The following DHX29 variants were observed in gnomAD, a reference collection of about 807,000 sequenced individuals.
DHX29 encodes DExH-box helicase 29.
In DHX29, 79 loss-of-function variants were observed where a neutral mutation model predicts 167.9. The ratio of observed to expected loss-of-function variants is 0.47; its 90% CI spans 0.39 to 0.57. The LOEUF (loss-of-function observed/expected upper bound fraction) is 0.57. Ranked by LOEUF, DHX29 falls within the 20% of genes least tolerant of loss-of-function variation. The probability of loss-of-function intolerance (pLI) is 0.00; values close to 1 mark genes in which losing one functional copy is unlikely to be tolerated. For missense variants in DHX29, 1,347 were observed against 1,593.4 expected, an observed-to-expected ratio of 0.85 and a Z score of 2.63; for synonymous variants, 530 against 546.0, an observed-to-expected ratio of 0.97 and a Z score of 0.41.
rs749103749 is a variant in DHX29, at chr5:55,273,394, T to C, written c.2691-17A>G. Reference sequence around the variant, plus strand: ...ACTTTATATCTGAAAGTTAAAATCATAGTTCTTAGCAAGAGTTTCTCTTTA... The same window carrying C: ...ACTTTATATCTGAAAGTTAAAATCACAGTTCTTAGCAAGAGTTTCTCTTTA... On this transcript the variant is annotated splice_polypyrimidine_tract_variant and intron_variant, in intron 16 of 26. Transcript: ENST00000251636. 18 of 1,540,424 alleles carry C rather than the reference T, an allele frequency of 1.2e-5. No individual in the cohort carries two copies. Among genetic ancestry groups the C allele is most frequent in the South Asian group, 2.5e-5 (2 of 78,674 alleles).
At chr5:55,261,303 T>A (rs958760165) in intron 25 of DHX29, 65 bp downstream of exon 25, 10 of 780,874 alleles carry the variant, frequency 1.3e-5, no homozygotes, top group Non-Finnish European at 2.0e-5. Flanking sequence ...ATTTAAAAAA[T>A]GTACCTCAAT....
intron 1 of DHX29, among the ~76,000 whole-genome samples, chr5:55,305,153 A>C (rs1023879180): frequency 6.6e-6 from 1 of 152,236 alleles, no homozygotes. Flanking sequence ...ATTTTGTTGG[A>C]TATATAAAAC....
chr5:55,298,571 T>A lies in DHX29; in HGVS notation c.261+20A>T. 7.1e-7 allele frequency: 1 copy of A among 1,403,464 alleles called. No individual in the cohort carries two copies. Among genetic ancestry groups the A allele is most frequent in the East Asian group, 2.3e-5 (1 of 43,586 alleles). 86.9% of individuals were successfully genotyped at this position (1,403,464 alleles called of 1,614,324 possible). A position where few individuals can be genotyped will look rare whatever the true frequency, so the allele number is the denominator to read the frequency against. ...AGGGGGAAACATTTCTTGAAATGAC[T>A]CAAAACCTTTGTTACTTACTTTCAA... On this transcript the variant is annotated intron_variant, in intron 2 of 26. Coordinates refer to ENST00000251636, the MANE Select transcript of DHX29 (RefSeq NM_019030.4).
chr5:55,266,628 TTTTC>T (rs750214644), intron 23 of DHX29, among the ~76,000 whole-genome samples: 6 of 151,976 alleles, frequency 3.9e-5, no homozygotes, highest in Admixed American at 2.6e-4. Context: ...ATCTTTTTTC[TTTTC>T]TTTCTTTTTT....
intron 8 of DHX29, 102 bp downstream of exon 8, chr5:55,289,168 A>G: frequency 7.7e-7 from 1 of 1,291,902 alleles, no homozygotes; most frequent in Non-Finnish European, 1.0e-6. Context: ...CTGCCATCTT[A>G]CGTACTTTGC....
intron 26 of DHX29, among the ~76,000 whole-genome samples, chr5:55,259,098 A>G (rs1324048238): frequency 6.6e-6 from 1 of 152,132 alleles, no homozygotes; most frequent in Non-Finnish European, 1.5e-5. Context: ...TTCCCACCTC[A>G]GCCTTCTGGG....
chr5:55,279,311 G>C (rs535622830), intron 12 of DHX29, among the ~76,000 whole-genome samples: 6 of 152,242 alleles, frequency 3.9e-5, no homozygotes, highest in African/African-American at 1.4e-4. Flanking sequence ...AGACTGAGAA[G>C]AGATGAGAAG....
Position 55,267,205 on chromosome 5 carries a change from C to T in DHX29, c.3458G>A (p.Gly1153Asp). 1.2e-6 allele frequency: 2 copies of T among 1,612,732 alleles called. No homozygotes were observed. Among genetic ancestry groups the T allele is most frequent in the South Asian group, 2.2e-5 (2 of 90,956 alleles). ...LGWKKARQEG[G>D]YRSEITYCRR... ...GCAGTATGTGATTTCAGAACGATAA[C>T]CTCCTTCTTGTCGTGCTTTCTTCCA... The change falls in exon 23 of 27, where the codon GGT becomes GAT. Residue 1153 changes from glycine (G) to aspartate (D), a missense_variant. Gly to Asp is a moderately conservative substitution (Grantham distance 94). Transcript: ENST00000251636.
chr5:55,298,281 C>G (rs1033581803), intron 2 of DHX29, among the ~76,000 whole-genome samples: 1 of 152,026 alleles, frequency 6.6e-6, no homozygotes, highest in Non-Finnish European at 1.5e-5. Context: ...ATGAGATGTC[C>G]CATGAACTAA....
chr5:55,300,959 T>C (rs1391561558), intron 1 of DHX29, among the ~76,000 whole-genome samples: 1 of 152,158 alleles, frequency 6.6e-6, no homozygotes, highest in African/African-American at 2.4e-5. Context: ...CCTCTTCTCT[T>C]GGCATGTAGG....
intron 6 of DHX29, among the ~76,000 whole-genome samples, chr5:55,292,343 C>A (rs1410547800): frequency 6.6e-6 from 1 of 152,114 alleles, no homozygotes; most frequent in Non-Finnish European, 1.5e-5. Context: ...TCTTCCTTAG[C>A]CTTTATATTC....
rs1399753583 is a variant in DHX29 at position 55,274,716 on chromosome 5, A to T, written c.2588T>A (p.Phe863Tyr). The change falls in exon 16 of 27, where the codon TTC (phenylalanine) becomes TAC (tyrosine). Residue 863 changes from phenylalanine (F) to tyrosine (Y), a missense_variant. Transcript: ENST00000251636. ...CAATACTGCTCCTTCAATATTTCTG[A>T]ATTGGGGACTTTTATCTGAAATTTT... The part of the protein sequence containing the change: ...LLAYLDKSPQ[F>Y]RNIEGAVLIF... 1 of 1,589,786 alleles carries T rather than the reference A, an allele frequency of 6.3e-7. No homozygotes were observed. The highest frequency in any genetic ancestry group is 1.9e-5 in the Admixed American group (1 of 53,256).
At chr5:55,276,207 G>T in intron 14 of DHX29, 59 bp downstream of exon 14, 1 of 1,383,964 alleles carries the variant, frequency 7.2e-7, no homozygotes, top group Non-Finnish European at 9.7e-7. Context: ...TGAAACTCTT[G>T]TGGCAGGTTA....
intron 23 of DHX29, 141 bp from the exon 24 acceptor site, chr5:55,263,073 T>A: frequency 1.5e-6 from 1 of 646,970 alleles, no homozygotes; most frequent in African/African-American, 1.8e-5. Flanking sequence ...CCAAATTACC[T>A]TAGGGAAAAA....
chr5:55,266,371 G>A (rs1179904185), intron 23 of DHX29, among the ~76,000 whole-genome samples: 16 of 147,058 alleles, frequency 1.1e-4, no homozygotes, highest in Admixed American at 1.4e-4. Flanking sequence ...GTACAATGGC[G>A]TGATCTTGGC....
intron 12 of DHX29, 55 bp downstream of exon 12, chr5:55,281,317 C>CT (rs1747400753): frequency 7.1e-7 from 1 of 1,415,820 alleles, no homozygotes; most frequent in Admixed American, 2.6e-5. Flanking sequence ...GGAGTAACAT[C>CT]TTTTTAATAC....
chr5:55,276,533 A>C, intron 13 of DHX29, 127 bp from the exon 14 acceptor site: 1 of 722,556 alleles, frequency 1.4e-6, no homozygotes. Flanking sequence ...ATGAAAAAAA[A>C]TTTTTAGTAT....
At chr5:55,306,148 C>G (rs1422806289) in intron 1 of DHX29, among the ~76,000 whole-genome samples, 1 of 152,186 alleles carries the variant, frequency 6.6e-6, no homozygotes, top group African/African-American at 2.4e-5. Flanking sequence ...AACTCTGTAG[C>G]TAACACTACA....
chr5:55,297,463 T>C (rs1748383267), intron 2 of DHX29, 65 bp from the exon 3 acceptor site: 2 of 733,040 alleles, frequency 2.7e-6, no homozygotes, highest in Non-Finnish European at 4.7e-6. Flanking sequence ...AAGCCAATCA[T>C]ACAGTTTTCT....
Sources: allele counts gnomAD v4.1 joint callset (sites outside exome capture counted in the v4.1 genomes callset), GRCh38; gene constraint gnomAD v4.1.1; transcripts MANE v1.5; gene names NCBI Gene and HGNC (gene_info 2026-07-23, HGNC 2026-07-21).